PCDHGA9: variants seen among roughly 807,000 people sequenced by gnomAD.
PCDHGA9 encodes protocadherin gamma-A9.
PCDHGA9 carries 37 observed loss-of-function variants against 62.5 expected under a neutral mutation model. That is an observed-to-expected ratio of 0.59 (90% confidence interval 0.46 to 0.78). PCDHGA9 has a LOEUF of 0.78. Among genes scored for constraint, PCDHGA9 ranks in the 30% least tolerant of loss-of-function variants. PCDHGA9 has a pLI of 0.00. For missense variants in PCDHGA9, 1,138 were observed against 1,166.2 expected, an observed-to-expected ratio of 0.98 and a Z score of 0.35; for synonymous variants, 459 against 484.6, an observed-to-expected ratio of 0.95 and a Z score of 0.69.
chr5:141,502,900 T>C (rs1433421797), intron 2 of PCDHGA9, among the ~76,000 whole-genome samples: 2 of 147,288 alleles, frequency 1.4e-5, no homozygotes, highest in Non-Finnish European at 3.0e-5. Flanking sequence ...TCTAGCTCTG[T>C]TGCCAGGCTG....
rs754728562 is a variant in PCDHGA9, at chr5:141,489,487, G to A, written c.2425-5320G>A. 6.2e-7 allele frequency: 1 copy of A among 1,613,942 alleles called. No individual in the cohort carries two copies. On this transcript the variant is annotated intron_variant, in intron 1 of 3. Coordinates refer to ENST00000573521, the MANE Select transcript of PCDHGA9 (RefSeq NM_018921.3). This position sits in a 1 kb window ranked among gnomAD's most constrained non-coding sequence, Gnocchi z 4.5. The stretch of plus-strand genomic sequence containing the variant: ...TTTTTCCCTGAGCTTGATGAGTGGT[G>A]CCCTGGCAGTGAATCAAAAGATTGA...
At chr5:141,418,742 G>GA in intron 1 of PCDHGA9, 1 of 1,613,896 alleles carries the variant, frequency 6.2e-7, no homozygotes, top group Non-Finnish European at 8.5e-7. Flanking sequence ...GTTCTCTCTG[G>GA]ATTACACTAC....
intron 1 of PCDHGA9, chr5:141,419,142 G>A (rs1351034238): frequency 6.2e-7 from 1 of 1,613,902 alleles, no homozygotes; most frequent in Non-Finnish European, 8.5e-7. Context: ...ACAGACAGGG[G>A]CAAGCCTCCG....
chr5:141,441,656 C>A, intron 1 of PCDHGA9: 1 of 247,684 alleles, frequency 4.0e-6, no homozygotes, highest in Non-Finnish European at 8.1e-6. Flanking sequence ...TCTAGGTGTC[C>A]TTGAGCGCAC....
At chr5:141,422,665 C>T in intron 1 of PCDHGA9, 2 of 1,608,390 alleles carry the variant, frequency 1.2e-6, no homozygotes, top group Non-Finnish European at 8.5e-7. Context: ...CGCCCTCGAC[C>T]CGGACAGCAA....
chr5:141,500,484 C>T (rs2099800696), intron 2 of PCDHGA9, among the ~76,000 whole-genome samples: 1 of 152,304 alleles, frequency 6.6e-6, no homozygotes, highest in Non-Finnish European at 1.5e-5. Context: ...GCTGGGATTA[C>T]AGGCGTGAGC....
intron 1 of PCDHGA9, among the ~76,000 whole-genome samples, chr5:141,473,942 GC>G (rs1443545533): frequency 1.3e-5 from 2 of 152,124 alleles, no homozygotes; most frequent in African/African-American, 4.8e-5. Context: ...AGTAGCTCAG[GC>G]CTGTAGTCCC....
intron 1 of PCDHGA9, among the ~76,000 whole-genome samples, chr5:141,461,119 C>T (rs959427669): frequency 6.6e-6 from 1 of 152,016 alleles, no homozygotes; most frequent in Admixed American, 6.6e-5. Flanking sequence ...GTGTCTTTTT[C>T]ATATAATTAC....
chr5:141,509,572 G>T (rs955898202), intron 3 of PCDHGA9, among the ~76,000 whole-genome samples: 24 of 152,300 alleles, frequency 1.6e-4, no homozygotes, highest in Middle Eastern at 3.4e-3. Context: ...CCTTCACAGT[G>T]CGTACAAATC....
At chr5:141,430,206 TTATTA>T (rs1267858049) in intron 1 of PCDHGA9, among the ~76,000 whole-genome samples, 2 of 151,984 alleles carry the variant, frequency 1.3e-5, no homozygotes, top group African/African-American at 4.8e-5. Flanking sequence ...AAAGTTTAAA[TTATTA>T]TATTATATGA....
chr5:141,410,653 A>G (rs1272999564), intron 1 of PCDHGA9: 9 of 1,589,886 alleles, frequency 5.7e-6, no homozygotes, highest in Non-Finnish European at 7.7e-6. Context: ...TGATTTATCT[A>G]ATAGTCTACT....
At chr5:141,459,693 C>A (rs1014443574) in intron 1 of PCDHGA9, among the ~76,000 whole-genome samples, 1 of 152,210 alleles carries the variant, frequency 6.6e-6, no homozygotes, top group African/African-American at 2.4e-5. Flanking sequence ...AAGCGTTCCG[C>A]TTGCTACATT....
chr5:141,421,760 A>G, intron 1 of PCDHGA9: 1 of 1,613,868 alleles, frequency 6.2e-7, no homozygotes, highest in South Asian at 1.1e-5. Context: ...CCTAATAATT[A>G]CTTTTCCTTG....
rs1349189547 is a variant in PCDHGA9 at position 141,432,777 on chromosome 5, C to T, written c.2424+27401C>T. Reference sequence around the variant, plus strand: ...GCCGACAGCATCCCCCAAGTCCTGGCGGACCTCGGCAGCCTCGAGTCTCCA... The same window carrying T: ...GCCGACAGCATCCCCCAAGTCCTGGTGGACCTCGGCAGCCTCGAGTCTCCA... On this transcript the variant is annotated intron_variant, in intron 1 of 3. Coordinates refer to ENST00000573521, the MANE Select transcript of PCDHGA9 (RefSeq NM_018921.3). This position sits in a 1 kb window ranked among gnomAD's most constrained non-coding sequence, Gnocchi z 6.0. The T allele has an allele frequency of 6.2e-6, 10 of 1,614,154 alleles. No individual in the cohort carries two copies. The highest frequency in any genetic ancestry group is 7.6e-6 in the Non-Finnish European group (9 of 1,179,992).
intron 1 of PCDHGA9, chr5:141,478,265 G>A: frequency 6.2e-7 from 1 of 1,614,196 alleles, no homozygotes; most frequent in African/African-American, 1.3e-5. Context: ...CATATTCAAA[G>A]TTTACAAGTG....
chr5:141,427,193 C>T (rs1427995075), intron 1 of PCDHGA9: 1 of 456,496 alleles, frequency 2.2e-6, no homozygotes, highest in Admixed American at 2.4e-5. Context: ...AATCCAAAGA[C>T]TTAATAGACT....
rs776189143 is a variant in PCDHGA9, at chr5:141,422,957, A to G, written c.2424+17581A>G. 11 of 1,614,190 alleles carry G rather than the reference A, an allele frequency of 6.8e-6. 1 individual carries two copies. The South Asian group carries it at 7.7e-5, about 11-fold the overall frequency. Reference sequence around the variant, plus strand: ...CCCACAGACGGCTCCACTGGCGTGGAGCTGGCGCCCCGCTCTGCGGAACCT... The same window carrying G: ...CCCACAGACGGCTCCACTGGCGTGGGGCTGGCGCCCCGCTCTGCGGAACCT... On this transcript the variant is annotated intron_variant, in intron 1 of 3. Coordinates refer to ENST00000573521, the MANE Select transcript of PCDHGA9 (RefSeq NM_018921.3).
At chr5:141,460,951 G>GTATATATA (rs200454978) in intron 1 of PCDHGA9, among the ~76,000 whole-genome samples, 42 of 139,772 alleles carry the variant, frequency 3.0e-4, no homozygotes, top group African/African-American at 1.1e-3. Context: ...TATGTATTAT[G>GTATATATA]TATATATATA....
Position 141,490,637 on chromosome 5 carries a change from A to C in PCDHGA9, c.2425-4170A>C. ...CTTTACACTGCTTACATCCTAGAAA[A>C]CCGGCCTCCGGGCTCCCTTCTTTGC... is the stretch of plus-strand genomic sequence containing the variant. On this transcript the variant is annotated intron_variant, in intron 1 of 3. Coordinates refer to ENST00000573521, the MANE Select transcript of PCDHGA9 (RefSeq NM_018921.3). This position sits in a 1 kb window ranked among gnomAD's most constrained non-coding sequence, Gnocchi z 5.4. 1 of 1,614,108 alleles carries C rather than the reference A, an allele frequency of 6.2e-7. No individual in the cohort carries two copies. Among genetic ancestry groups the C allele is most frequent in the Non-Finnish European group, 8.5e-7 (1 of 1,179,992 alleles).
Sources: gnomAD v4.1 joint callset for allele counts (sites outside exome capture counted in the v4.1 genomes callset) on GRCh38, gnomAD v4.1.1 for gene constraint, Gnocchi (gnomAD v3.1) non-coding constraint, MANE v1.5 for transcripts, NCBI Gene and HGNC (gene_info 2026-07-23, HGNC 2026-07-21) for gene names.